Variants in TNIK observed in about 807,000 individuals in gnomAD.
TNIK encodes the protein TRAF2 and NCK-interacting protein kinase.
A neutral mutation model predicts 191.3 loss-of-function variants in TNIK; 49 were observed. The observed-to-expected ratio is 0.26, with a 90% CI of 0.20 to 0.32. TNIK has a LOEUF of 0.32. TNIK is among the 10% of genes least tolerant of loss of function. The pLI is 1.00. For synonymous variants in TNIK, 594 were observed against 600.9 expected, an observed-to-expected ratio of 0.99 and a Z score of 0.17; for missense variants, 1,155 against 1,702.3, an observed-to-expected ratio of 0.68 and a Z score of 5.66.
chr3:171,066,492 A>G, intron 31 of TNIK, 84 bp downstream of exon 31: 1 of 1,527,314 alleles, frequency 6.5e-7, no homozygotes, highest in East Asian at 2.3e-5. Flanking sequence ...TTTTTGTGGA[A>G]TCAAATGGTT....
intron 2 of TNIK, among the ~76,000 whole-genome samples, chr3:171,275,026 T>C (rs1749558351): frequency 1.3e-5 from 2 of 152,132 alleles, no homozygotes; most frequent in Admixed American, 6.6e-5. Flanking sequence ...CATTAACCCC[T>C]ACCCTATGCC....
At chr3:171,356,220 T>C (rs556229155) in intron 2 of TNIK, among the ~76,000 whole-genome samples, 137 of 152,268 alleles carry the variant, frequency 9.0e-4, no homozygotes, top group African/African-American at 3.0e-3. Flanking sequence ...CTATTGGAGC[T>C]GATTTTTTAA....
At chr3:171,273,862 G>C (rs890216852) in intron 2 of TNIK, among the ~76,000 whole-genome samples, 5 of 152,204 alleles carry the variant, frequency 3.3e-5, no homozygotes, top group Non-Finnish European at 7.3e-5. Flanking sequence ...AGGGACATTA[G>C]AGTGAGAATA....
chr3:171,403,246 C>A (rs1577799392), intron 1 of TNIK, among the ~76,000 whole-genome samples: 1 of 152,158 alleles, frequency 6.6e-6, no homozygotes, highest in Non-Finnish European at 1.5e-5. Flanking sequence ...ACAGCCCACA[C>A]CTGGGGAAGA....
intron 2 of TNIK, among the ~76,000 whole-genome samples, chr3:171,331,740 T>C (rs1756439633): frequency 6.6e-6 from 1 of 152,196 alleles, no homozygotes; most frequent in South Asian, 2.1e-4. Context: ...GTGAAATGCA[T>C]GAGATCTCAG....
chr3:171,256,106 A>T (rs924683810), intron 2 of TNIK, among the ~76,000 whole-genome samples: 39 of 152,340 alleles, frequency 2.6e-4, no homozygotes, highest in African/African-American at 9.4e-4. Context: ...AAGGAAAAAA[A>T]AAATAAGTAC....
chr3:171,225,264 T>C (rs1248478214), intron 3 of TNIK, among the ~76,000 whole-genome samples: 4 of 152,204 alleles, frequency 2.6e-5, no homozygotes, highest in African/African-American at 9.6e-5. Context: ...GGAAATCTTA[T>C]GTTGACTGTG....
chr3:171,252,238 A>G (rs755808197), intron 2 of TNIK, among the ~76,000 whole-genome samples: 6 of 152,172 alleles, frequency 3.9e-5, no homozygotes, highest in Non-Finnish European at 8.8e-5. Context: ...GTTAGTTACA[A>G]CCTGTTGGGC....
At chr3:171,377,842 T>C (rs1331781827) in intron 1 of TNIK, among the ~76,000 whole-genome samples, 1 of 152,202 alleles carries the variant, frequency 6.6e-6, no homozygotes, top group Non-Finnish European at 1.5e-5. Context: ...TTGCTGGTGG[T>C]ATTAAGAGAA....
At chr3:171,151,298 C>T (rs887134431) in intron 12 of TNIK, among the ~76,000 whole-genome samples, 6 of 152,144 alleles carry the variant, frequency 3.9e-5, no homozygotes, top group African/African-American at 1.4e-4. Context: ...TAACTGAATT[C>T]CTCCCAGTAT....
chr3:171,143,209 C>T (rs1731091152), intron 12 of TNIK, among the ~76,000 whole-genome samples: 1 of 152,206 alleles, frequency 6.6e-6, no homozygotes, highest in Non-Finnish European at 1.5e-5. Flanking sequence ...CTTTCCCAAC[C>T]TTCTGAGGGC....
chr3:171,140,113 A>AT (rs1730600556), intron 13 of TNIK, among the ~76,000 whole-genome samples: 1 of 152,036 alleles, frequency 6.6e-6, no homozygotes, highest in Non-Finnish European at 1.5e-5. Context: ...GACTTGGCTG[A>AT]TTTTTCATGC....
intron 2 of TNIK, among the ~76,000 whole-genome samples, chr3:171,354,984 T>C (rs1713815507): frequency 6.6e-6 from 1 of 152,200 alleles, no homozygotes; most frequent in Admixed American, 6.5e-5. Context: ...TTTTTGTTTT[T>C]GTCTTTTCTG....
chr3:171,298,918 T>C lies in TNIK; in HGVS notation c.124-70697A>G, dbSNP rs140658043. Among the ~76,000 whole-genome samples, 9 of 152,314 alleles carry C rather than the reference T, an allele frequency of 5.9e-5. No individual in the cohort carries two copies. In the East Asian group the frequency reaches 1.7e-3, roughly 29 times the overall value. ...CCATGCTGATAGATGAGAAGGGCAA[T>C]ATGCAAGGAATGGCTCCATCATGGC... is the stretch of plus-strand genomic sequence containing the variant. On this transcript the variant is annotated intron_variant, in intron 2 of 32. Coordinates refer to ENST00000436636, the MANE Select transcript of TNIK (RefSeq NM_015028.4).
At chr3:171,270,751 A>G (rs1325686369) in intron 2 of TNIK, among the ~76,000 whole-genome samples, 5 of 152,168 alleles carry the variant, frequency 3.3e-5, no homozygotes, top group Non-Finnish European at 7.3e-5. Context: ...ACCACTGTCT[A>G]GTTGGATGAT....
chr3:171,436,043 CA>C (rs1255604466), intron 1 of TNIK, among the ~76,000 whole-genome samples: 1 of 152,142 alleles, frequency 6.6e-6, no homozygotes, highest in Non-Finnish European at 1.5e-5. Context: ...TATTTTACAT[CA>C]ATGGCATTCT....
At chr3:171,153,311 C>A (rs559408923) in intron 12 of TNIK, among the ~76,000 whole-genome samples, 1 of 152,230 alleles carries the variant, frequency 6.6e-6, no homozygotes, top group East Asian at 1.9e-4. Flanking sequence ...CCTACACTCT[C>A]TTCTCATGTG....
chr3:171,398,664 C>T (rs989699968), intron 1 of TNIK, among the ~76,000 whole-genome samples: 27 of 152,078 alleles, frequency 1.8e-4, no homozygotes, highest in African/African-American at 6.0e-4. Flanking sequence ...GGGCTCAAGC[C>T]CCAGGAATGA....
intron 2 of TNIK, among the ~76,000 whole-genome samples, chr3:171,285,742 G>A (rs1750936793): frequency 6.6e-6 from 1 of 152,154 alleles, no homozygotes; most frequent in African/African-American, 2.4e-5. Flanking sequence ...TGGCCCAATT[G>A]TTCTCAACTC....
Sources: allele counts gnomAD v4.1 joint callset (sites outside exome capture counted in the v4.1 genomes callset), GRCh38; gene constraint gnomAD v4.1.1; transcripts MANE v1.5; gene names NCBI Gene and HGNC (gene_info 2026-07-23, HGNC 2026-07-21).